ALG14: variants seen among roughly 807,000 people sequenced by gnomAD.
ALG14 encodes the protein UDP-N-acetylglucosamine transferase subunit ALG14.
Under a neutral mutation model 22.8 loss-of-function variants are expected in ALG14, and 17 were observed. The ratio of observed to expected loss-of-function variants is 0.75; its 90% confidence interval spans 0.51 to 1.12. The LOEUF is 1.12. ALG14 is among the 50% of genes most tolerant of loss of function. ALG14 has a pLI of 0.00. For synonymous variants in ALG14, 89 were observed against 103.7 expected (o/e 0.86, Z 0.86); for missense variants, 288 against 271.8 (o/e 1.06, Z -0.42).
Position 94,975,971 on chromosome 1 carries a change from C to G in ALG14, c.*7105G>C, listed in dbSNP as rs539508614. 3 of 144,410 alleles carry G rather than the reference C, an allele frequency of 2.1e-5. No individual in the cohort carries two copies. The highest frequency in any genetic ancestry group is 3.0e-5 in the Non-Finnish European group (2 of 66,802). The allele number at this position is 144,410 out of a possible 1,614,324, so 8.9% of individuals were successfully genotyped here. Reference sequence around the variant, plus strand: ...GGCGGAGCTTGCAGTGAGCCGAGATCGCGCCACTGCACTTCAGCCTGGGCA... The same window carrying G: ...GGCGGAGCTTGCAGTGAGCCGAGATGGCGCCACTGCACTTCAGCCTGGGCA... On this transcript the variant is annotated 3_prime_UTR_variant, in exon 4 of 4. Transcript: ENST00000370205.
At chr1:95,024,140 C>T (rs1029611220) in intron 3 of ALG14, among the ~76,000 whole-genome samples, 1 of 152,114 alleles carries the variant, frequency 6.6e-6, no homozygotes, top group Non-Finnish European at 1.5e-5. Flanking sequence ...TTCGATCCGG[C>T]TAATTTTTTT....
chr1:95,004,744 A>G (rs1431859349), intron 3 of ALG14, among the ~76,000 whole-genome samples: 1 of 151,310 alleles, frequency 6.6e-6, no homozygotes, highest in African/African-American at 2.4e-5. Flanking sequence ...CTCGTGATCT[A>G]CCTGCCTCCC....
At chr1:95,013,535 G>T (rs541061368) in intron 3 of ALG14, among the ~76,000 whole-genome samples, 1 of 151,968 alleles carries the variant, frequency 6.6e-6, no homozygotes, top group Non-Finnish European at 1.5e-5. Context: ...TGGCCAGGCT[G>T]GTCTCAAACT....
At chr1:95,026,655 G>A (rs114659247) in intron 3 of ALG14, among the ~76,000 whole-genome samples, 3,895 of 139,988 alleles carry the variant, frequency 0.028, 78 homozygotes, top group South Asian at 0.045. Context: ...CAGGCCAGGC[G>A]CAGTGGCTCA....
chr1:95,014,104 A>G (rs1673440435), intron 3 of ALG14, among the ~76,000 whole-genome samples: 2 of 151,924 alleles, frequency 1.3e-5, no homozygotes, highest in Non-Finnish European at 2.9e-5. Flanking sequence ...AGTTCTAATT[A>G]CTCCCCAGAG....
chr1:95,064,181 C>T (rs902583193), intron 2 of ALG14, among the ~76,000 whole-genome samples: 10 of 152,132 alleles, frequency 6.6e-5, no homozygotes, highest in African/African-American at 2.4e-4. Context: ...AGTTTTTGGG[C>T]TGAGACAATG....
At chr1:94,992,166 ATAGT>A (rs111954369) in intron 3 of ALG14, among the ~76,000 whole-genome samples, 5 of 152,274 alleles carry the variant, frequency 3.3e-5, no homozygotes, top group African/African-American at 1.2e-4. Context: ...AGCCAGTAAT[ATAGT>A]TATTTATTAT....
At chr1:95,009,202 T>A (rs1431721860) in intron 3 of ALG14, among the ~76,000 whole-genome samples, 1 of 150,672 alleles carries the variant, frequency 6.6e-6, no homozygotes, top group Non-Finnish European at 1.5e-5. Context: ...GGTAATTTTT[T>A]TATTTTTATA....
intron 2 of ALG14, among the ~76,000 whole-genome samples, chr1:95,055,506 TG>T (rs1311431489): frequency 6.6e-6 from 1 of 151,884 alleles, no homozygotes; most frequent in African/African-American, 2.4e-5. Flanking sequence ...GAAATGTTAC[TG>T]AAAAGCATTA....
chr1:95,055,775 G>A lies in ALG14; in HGVS notation c.288+9091C>T, dbSNP rs1051044953. ...TGGGAGGCCCAGGCGGGCGGATCAC[G>A]AGGTCAGCAGATTGAGACCATCCTG... On this transcript the variant is annotated intron_variant, in intron 2 of 3. Transcript: ENST00000370205. Among the ~76,000 whole-genome samples, 6 of 137,962 alleles carry A rather than the reference G, an allele frequency of 4.3e-5. No individual in the cohort carries two copies. In the East Asian group the frequency reaches 8.8e-4, roughly 20 times the overall value. The allele number at this position is 137,962 out of a possible 152,430, so 90.5% of individuals were successfully genotyped here.
chr1:94,984,597 T>C (rs1215157157), intron 3 of ALG14, among the ~76,000 whole-genome samples: 4 of 152,236 alleles, frequency 2.6e-5, no homozygotes, highest in Admixed American at 2.6e-4. Context: ...CTTTCTGTCT[T>C]TTATGGAGAA....
chr1:94,978,749 G>T lies in ALG14; in HGVS notation c.*4327C>A, dbSNP rs934116199. The T allele has an allele frequency of 6.6e-6, 1 of 151,436 alleles. No homozygotes were observed. Among genetic ancestry groups the T allele is most frequent in the Non-Finnish European group, 1.5e-5 (1 of 67,970 alleles). The allele number at this position is 151,436 out of a possible 1,614,324, so 9.4% of individuals were successfully genotyped here. ...CCACTTTCTTAGAAAGGCCTTTCCT[G>T]ATTTCCCTATCTAGAACACCAACTA... On this transcript the variant is annotated 3_prime_UTR_variant, in exon 4 of 4. Coordinates refer to ENST00000370205, the MANE Select transcript of ALG14 (RefSeq NM_144988.4).
chr1:95,057,942 A>G (rs1448975152), intron 2 of ALG14, among the ~76,000 whole-genome samples: 1 of 152,068 alleles, frequency 6.6e-6, no homozygotes, highest in South Asian at 2.1e-4. Flanking sequence ...TGGCATTACA[A>G]TTAGTATTGT....
chr1:95,004,470 C>A (rs562385033), intron 3 of ALG14, among the ~76,000 whole-genome samples: 1 of 151,680 alleles, frequency 6.6e-6, no homozygotes, highest in African/African-American at 2.4e-5. Flanking sequence ...GATCTGCCGG[C>A]CTTGGTCTCC....
At chr1:95,002,251 G>A (rs1318440775) in intron 3 of ALG14, among the ~76,000 whole-genome samples, 1 of 152,116 alleles carries the variant, frequency 6.6e-6, no homozygotes, top group Non-Finnish European at 1.5e-5. Context: ...ACCTGGGGGG[G>A]GGAACCTGGA....
Position 95,070,509 on chromosome 1 carries a change from C to T in ALG14, c.136+2254G>A, listed in dbSNP as rs112381685. 5.1e-3 allele frequency among the ~76,000 whole-genome samples: 778 copies of T among 152,306 alleles called. 6 individuals carry two copies. The highest frequency in any genetic ancestry group is 0.018 in the African/African-American group (731 of 41,556). On this transcript the variant is annotated intron_variant, in intron 1 of 3. Coordinates refer to ENST00000370205, the MANE Select transcript of ALG14 (RefSeq NM_144988.4). ...TGGAAAATATTGTAATTTTGTTCAG[C>T]ATCTCTGTTCTTGCGTATACAAACT...
chr1:95,064,291 G>C (rs1293960167), intron 2 of ALG14, among the ~76,000 whole-genome samples: 1 of 152,062 alleles, frequency 6.6e-6, no homozygotes, highest in Non-Finnish European at 1.5e-5. Context: ...TTTCCTGATT[G>C]CCCTGGCCAG....
chr1:95,067,147 A>G (rs1249531659), intron 1 of ALG14: 3 of 152,242 alleles, frequency 2.0e-5, no homozygotes, highest in Non-Finnish European at 4.4e-5. Flanking sequence ...TTAATGCTCA[A>G]TCGCCTGAAA....
intron 3 of ALG14, among the ~76,000 whole-genome samples, chr1:94,989,518 G>T (rs1010406448): frequency 6.6e-6 from 1 of 152,190 alleles, no homozygotes; most frequent in African/African-American, 2.4e-5. Flanking sequence ...TTTCTGCCTA[G>T]ATCTGACCAG....
Sources: gnomAD v4.1 joint callset for allele counts (sites outside exome capture counted in the v4.1 genomes callset) on GRCh38, gnomAD v4.1.1 for gene constraint, MANE v1.5 for transcripts, NCBI Gene and HGNC (gene_info 2026-07-23, HGNC 2026-07-21) for gene names.